Variants in APPBP2 observed in about 807,000 individuals in gnomAD.
APPBP2 encodes amyloid protein-binding protein 2.
In APPBP2, 15 loss-of-function variants were observed where a neutral mutation model predicts 76.0. The observed-to-expected ratio is 0.20, with a 90% confidence interval of 0.13 to 0.30. The LOEUF (loss-of-function observed/expected upper bound fraction) is 0.30, where lower values mean the gene tolerates loss of function less well. APPBP2 is among the 10% of genes least tolerant of loss of function. APPBP2 has a pLI of 1.00. For synonymous variants in APPBP2, 222 were observed against 242.2 expected, an observed-to-expected ratio of 0.92 and a Z score of 0.77; for missense variants, 401 against 687.2, an observed-to-expected ratio of 0.58 and a Z score of 4.66.
At chr17:60,474,431 A>G (rs557703586) in intron 4 of APPBP2, among the ~76,000 whole-genome samples, 2 of 152,068 alleles carry the variant, frequency 1.3e-5, no homozygotes, top group Non-Finnish European at 2.9e-5. Flanking sequence ...ACCCTGGCCT[A>G]TCAAAGTGCT....
At chr17:60,498,915 G>A (rs1415214432) in intron 2 of APPBP2, among the ~76,000 whole-genome samples, 3 of 151,690 alleles carry the variant, frequency 2.0e-5, no homozygotes, top group Non-Finnish European at 1.5e-5. Flanking sequence ...ATACTTATGA[G>A]GCAAAATTAT....
chr17:60,520,570 T>TAAAAAAAAAAAAAAAAAAAAATA (rs2091001516), intron 1 of APPBP2, among the ~76,000 whole-genome samples: 1 of 99,866 alleles, frequency 1.0e-5, no homozygotes, highest in Non-Finnish European at 1.8e-5. Context: ...AAGACTCTGT[T>TAAAAAAAAAAAAAAAAAAAAATA]AAAAAAAAAA....
At position 60,525,913 on chromosome 17, in the gene APPBP2, C is replaced by G. The variant is rs546256656; in HGVS notation, c.19G>C (p.Glu7Gln). Residue 7 changes from glutamate (E) to glutamine (Q), a missense_variant, in exon 1 of 13, where the codon GAG becomes CAG. Around this residue, in one of 5 missense-constraint regions of APPBP2, gnomAD observed 149 missense variants for 198.4 expected, o/e 0.75. Transcript: ENST00000083182. ...TTATAGAGAGTCTCTGGGATCCACT[C>G]TAGTTCCACGGCCGCCATCTTCCTT... is the stretch of plus-strand genomic sequence containing the variant. Reference protein sequence around the residue: MAAVELEWIPETLYNTA... With the variant: MAAVELQWIPETLYNTA... 2.5e-6 allele frequency: 4 copies of G among 1,613,600 alleles called. No individual in the cohort carries two copies. The highest frequency in any genetic ancestry group is 2.5e-6 in the Non-Finnish European group (3 of 1,179,824).
At chr17:60,476,574 GT>G (rs2090592678) in intron 4 of APPBP2, among the ~76,000 whole-genome samples, 2 of 152,112 alleles carry the variant, frequency 1.3e-5, no homozygotes. Context: ...GGCAAGGTTA[GT>G]TGAATAGAGG....
intron 1 of APPBP2, among the ~76,000 whole-genome samples, chr17:60,523,529 G>A (rs1328017719): frequency 1.3e-5 from 2 of 152,050 alleles, no homozygotes; most frequent in African/African-American, 4.8e-5. Flanking sequence ...TATGCTAATA[G>A]TGTTTAAAAG....
At position 60,446,122 on chromosome 17, in the gene APPBP2, T is replaced by C. The variant is rs1388412986; in HGVS notation, c.*1459A>G. On this transcript the variant is annotated 3_prime_UTR_variant, in exon 13 of 13. Transcript: ENST00000083182. The stretch of plus-strand genomic sequence containing the variant: ...CCCACAGACTACTCCAAGCATTAGC[T>C]AGGAGCAACATCTTTAACAGCCAAG... 6.6e-6 allele frequency: 1 copy of C among 152,308 alleles called. No individual in the cohort carries two copies. 9.4% of individuals were successfully genotyped at this position (152,308 alleles called of 1,614,324 possible). A position where few individuals can be genotyped will look rare whatever the true frequency, so the allele number is the denominator to read the frequency against.
At chr17:60,479,015 C>A in intron 4 of APPBP2, 133 bp downstream of exon 4, 1 of 818,250 alleles carries the variant, frequency 1.2e-6, no homozygotes, top group South Asian at 2.5e-5. Flanking sequence ...GGATGCCAGA[C>A]TAGTGAAACT....
Position 60,526,026 on chromosome 17 carries a change from GA to G in APPBP2, c.-96del, listed in dbSNP as rs2091052051. 8 of 1,307,424 alleles carry G rather than the reference GA, an allele frequency of 6.1e-6. No homozygotes were observed. The highest frequency in any genetic ancestry group is 7.3e-6 in the Non-Finnish European group (7 of 960,956). The allele number at this position is 1,307,424 out of a possible 1,614,324, so 81.0% of individuals were successfully genotyped here. ...CCCCTCTGCGGCCCCGGAGGATTCG[GA>G]GGGGCGGTGGCAGCCACGCGGGCGC... On this transcript the variant is annotated 5_prime_UTR_variant, in exon 1 of 13. Transcript: ENST00000083182.
chr17:60,497,209 G>T (rs563709330), intron 2 of APPBP2, among the ~76,000 whole-genome samples: 24 of 152,230 alleles, frequency 1.6e-4, no homozygotes, highest in African/African-American at 5.5e-4. Flanking sequence ...GCAACAACAC[G>T]GATGGAACTG....
At chr17:60,498,697 T>A (rs2090797352) in intron 2 of APPBP2, among the ~76,000 whole-genome samples, 1 of 152,174 alleles carries the variant, frequency 6.6e-6, no homozygotes, top group Non-Finnish European at 1.5e-5. Context: ...ACAAACTGTA[T>A]AATTGTATTT....
intron 3 of APPBP2, among the ~76,000 whole-genome samples, chr17:60,490,894 CTA>C (rs1598362598): frequency 6.6e-6 from 1 of 152,298 alleles, no homozygotes; most frequent in East Asian, 1.9e-4. Flanking sequence ...CCACGTGGAA[CTA>C]TGAGTCCATT....
rs1555629951 is a variant in APPBP2 at position 60,447,816 on chromosome 17, T to C, written c.1523A>G (p.Glu508Gly). ...ATCATATTCTAGTCCACTGTAGCCC[T>C]CACCAAAAAGTTTCTTCCCTGTAAC... is the stretch of plus-strand genomic sequence containing the variant. ...SIAIGKKLFGEGYSGLEYDYR... is the reference protein window; with the variant it reads ...SIAIGKKLFGGGYSGLEYDYR... The change falls in exon 13 of 13, where the codon GAG (glutamate) becomes GGG (glycine). Residue 508 changes from glutamate (E) to glycine (G), a missense_variant. Around this residue, in one of 5 missense-constraint regions of APPBP2, gnomAD observed 130 missense variants for 322.7 expected, o/e 0.40. Transcript: ENST00000083182. 6.4e-7 allele frequency: 1 copy of C among 1,554,878 alleles called. No homozygotes were observed. Among genetic ancestry groups the C allele is most frequent in the Non-Finnish European group, 8.7e-7 (1 of 1,149,540 alleles).
In APPBP2 at chr17:60,466,272, T is replaced by C. The variant is rs2090510223; in HGVS notation, c.672+19A>G. ...TAGGTACTTATTGGTCACAGTGAAA[T>C]GTACCTTAAAACACTTACCTCATCA... On this transcript the variant is annotated intron_variant, in intron 5 of 12. Coordinates refer to ENST00000083182, the MANE Select transcript of APPBP2 (RefSeq NM_006380.5). The C allele has an allele frequency of 1.2e-6, 2 of 1,605,650 alleles. No individual in the cohort carries two copies. Among genetic ancestry groups the C allele is most frequent in the Non-Finnish European group, 8.5e-7 (1 of 1,174,728 alleles).
intron 4 of APPBP2, among the ~76,000 whole-genome samples, chr17:60,474,177 ATT>A (rs201442798): frequency 1.4e-5 from 2 of 144,160 alleles, no homozygotes; most frequent in African/African-American, 2.5e-5. Context: ...TTTTTTTTTT[ATT>A]TTTTTTTTTT....
At chr17:60,511,664 T>C (rs1248600954) in intron 1 of APPBP2, among the ~76,000 whole-genome samples, 3 of 151,970 alleles carry the variant, frequency 2.0e-5, no homozygotes, top group Admixed American at 2.0e-4. Context: ...GATAACCAAC[T>C]GTAAAACACT....
intron 4 of APPBP2, among the ~76,000 whole-genome samples, chr17:60,472,142 A>G (rs1041908705): frequency 2.0e-5 from 3 of 152,076 alleles, no homozygotes; most frequent in African/African-American, 4.8e-5. Context: ...TAAAGCAAAT[A>G]AAATGAAAAT....
At chr17:60,466,489 T>C in intron 4 of APPBP2, 30 bp from the exon 5 acceptor site, 1 of 1,599,978 alleles carries the variant, frequency 6.3e-7, no homozygotes, top group South Asian at 1.1e-5. Context: ...TTGCTCTATT[T>C]TTGATATTTT....
At chr17:60,492,419 C>T (rs957645473) in intron 3 of APPBP2, among the ~76,000 whole-genome samples, 5 of 152,180 alleles carry the variant, frequency 3.3e-5, no homozygotes, top group Admixed American at 6.5e-5. Context: ...AAGCTTGCAC[C>T]GTGTGCCTGA....
At chr17:60,469,040 T>C (rs2090531567) in intron 4 of APPBP2, among the ~76,000 whole-genome samples, 1 of 152,136 alleles carries the variant, frequency 6.6e-6, no homozygotes, top group East Asian at 1.9e-4. Context: ...ATTTCTCTCC[T>C]TCTTGTAAGT....
Sources: gnomAD v4.1 joint callset for allele counts (sites outside exome capture counted in the v4.1 genomes callset) on GRCh38, gnomAD v4.1.1 for gene constraint, gnomAD v4.1.1 regional missense constraint, MANE v1.5 for transcripts, NCBI Gene and HGNC (gene_info 2026-07-23, HGNC 2026-07-21) for gene names.